RAPGEF4: variants seen among roughly 807,000 people sequenced by gnomAD.
RAPGEF4 encodes Rap guanine nucleotide exchange factor 4, also known as RAP guanine-nucleotide-exchange factor (GEF) 4.
A neutral mutation model predicts 147.9 loss-of-function variants in RAPGEF4; 66 were observed. The observed-to-expected ratio is 0.45, with a 90% CI of 0.37 to 0.55. The LOEUF is 0.55. RAPGEF4 is among the 20% of genes least tolerant of loss of function. The probability of loss-of-function intolerance (pLI) is 0.00; values close to 1 mark genes in which losing one functional copy is unlikely to be tolerated. For missense variants in RAPGEF4, 1,071 were observed against 1,257.3 expected (o/e 0.85, Z 2.24); for synonymous variants, 419 against 442.7 (o/e 0.95, Z 0.67).
chr2:173,035,790 A>T (rs1052792843), intron 27 of RAPGEF4, among the ~76,000 whole-genome samples: 2 of 152,252 alleles, frequency 1.3e-5, no homozygotes, highest in Admixed American at 1.3e-4. Context: ...TCTTACAATA[A>T]TGTAAGTTAG....
chr2:172,917,669 C>T (rs931267166), intron 4 of RAPGEF4, 133 bp from the exon 5 acceptor site: 3 of 758,974 alleles, frequency 4.0e-6, no homozygotes, highest in African/African-American at 3.5e-5. Flanking sequence ...CCGGAGAACA[C>T]GTTTCATGGC....
intron 1 of RAPGEF4, among the ~76,000 whole-genome samples, chr2:172,767,241 C>T (rs903400260): frequency 1.3e-5 from 2 of 150,666 alleles, no homozygotes; most frequent in South Asian, 2.1e-4. Flanking sequence ...TGCAATGGCA[C>T]GATCTTGGCT....
At chr2:172,927,668 T>G (rs1685510083) in intron 6 of RAPGEF4, among the ~76,000 whole-genome samples, 2 of 151,974 alleles carry the variant, frequency 1.3e-5, no homozygotes, top group Admixed American at 1.3e-4. Context: ...CAATCAGAGA[T>G]AATTCCATAA....
intron 10 of RAPGEF4, among the ~76,000 whole-genome samples, chr2:172,980,725 A>G (rs1203847284): frequency 1.3e-5 from 2 of 152,258 alleles, no homozygotes; most frequent in South Asian, 2.1e-4. Flanking sequence ...TTTTTAGTAT[A>G]TGGTATTTAG....
intron 10 of RAPGEF4, among the ~76,000 whole-genome samples, chr2:172,976,330 A>G (rs1691063446): frequency 6.6e-6 from 1 of 152,188 alleles, no homozygotes; most frequent in South Asian, 2.1e-4. Context: ...GAGGTGAGGC[A>G]AAGAAAAAAC....
chr2:172,826,759 G>C (rs758655896), intron 4 of RAPGEF4, among the ~76,000 whole-genome samples: 2 of 152,112 alleles, frequency 1.3e-5, no homozygotes, highest in Non-Finnish European at 2.9e-5. Context: ...TTGAGCCTAG[G>C]AGTTTGAGAT....
At chr2:172,934,631 G>A (rs1686353446) in intron 6 of RAPGEF4, among the ~76,000 whole-genome samples, 1 of 151,936 alleles carries the variant, frequency 6.6e-6, no homozygotes, top group Admixed American at 6.6e-5. Context: ...GGTACTGAGA[G>A]AGATTGGAGT....
At chr2:173,019,451 G>A (rs1695833390) in intron 22 of RAPGEF4, among the ~76,000 whole-genome samples, 1 of 152,266 alleles carries the variant, frequency 6.6e-6, no homozygotes, top group Non-Finnish European at 1.5e-5. Context: ...GGAGGTAGAC[G>A]GTAAGTTAAA....
In RAPGEF4 at chr2:172,795,087, C is replaced by T; in HGVS notation, c.128C>T (p.Ala43Val). Residue 43 changes from alanine (A) to valine (V), a missense_variant, in exon 2 of 31, where the codon GCT (alanine) becomes GTT (valine). Physicochemically the swap from Ala to Val is moderately conservative, Grantham distance 64. Coordinates refer to ENST00000397081, the MANE Select transcript of RAPGEF4 (RefSeq NM_007023.4). The part of the protein sequence containing the change: ...IIFTRLKEVK[A>V]FEKFHPNLLH... ...TTCACTCGACTGAAAGAAGTTAAAG[C>T]TTTTGAGAAATTTCACCCAAATCTC... The T allele has an allele frequency of 1.2e-6, 2 of 1,613,700 alleles. No homozygotes were observed. The highest frequency in any genetic ancestry group is 1.7e-6 in the Non-Finnish European group (2 of 1,179,640).
intron 4 of RAPGEF4, among the ~76,000 whole-genome samples, chr2:172,822,762 C>G (rs1689208836): frequency 6.6e-6 from 1 of 152,206 alleles, no homozygotes; most frequent in Admixed American, 6.5e-5. Flanking sequence ...CTAGCCAGGA[C>G]TCTGTTGACA....
At chr2:173,032,913 C>G (rs971442521) in intron 26 of RAPGEF4, among the ~76,000 whole-genome samples, 7 of 152,170 alleles carry the variant, frequency 4.6e-5, no homozygotes, top group Non-Finnish European at 8.8e-5. Flanking sequence ...GTCTCTGAGA[C>G]CCAGGGGTTG....
Position 172,890,509 on chromosome 2 carries a change from C to G in RAPGEF4, c.445-27293C>G, listed in dbSNP as rs935577901. Among the ~76,000 whole-genome samples the G allele has an allele frequency of 2.0e-5, 3 of 152,124 alleles. No homozygotes were observed. The South Asian group carries it at 6.2e-4, about 32-fold the overall frequency. ...TCTCCACTTCTGCAAATAAATAAAC[C>G]AGTGAAGGGGGCTTAGAATCTCATC... On this transcript the variant is annotated intron_variant, in intron 4 of 30. Transcript: ENST00000397081.
chr2:172,739,251 T>C (rs1694088199), intron 1 of RAPGEF4, among the ~76,000 whole-genome samples: 1 of 152,144 alleles, frequency 6.6e-6, no homozygotes, highest in South Asian at 2.1e-4. Context: ...TTACCATTTT[T>C]TTCTGAGGGG....
In RAPGEF4 at chr2:172,814,410, C is replaced by G. The variant is rs1688303312; in HGVS notation, c.429C>G (p.Phe143Leu). Residue 143 changes from phenylalanine (F) to leucine (L), a missense_variant, in exon 4 of 31, where the codon TTC becomes TTG. Physicochemically the swap from Phe to Leu is conservative, Grantham distance 22 (BLOSUM62 0). Transcript: ENST00000397081. The part of the protein sequence containing the change: ...SELLRIEQKD[F>L]KALWEKYRQY... ...TGCTCCGCATCGAGCAGAAGGACTT[C>G]AAGGCACTATGGGAGGTGAGCCCTA... 2 of 1,614,126 alleles carry G rather than the reference C, an allele frequency of 1.2e-6. No individual in the cohort carries two copies. Among genetic ancestry groups the G allele is most frequent in the Non-Finnish European group, 1.7e-6 (2 of 1,180,010 alleles).
intron 30 of RAPGEF4, 87 bp from the exon 31 acceptor site, chr2:173,051,552 TA>T: frequency 7.1e-7 from 1 of 1,405,902 alleles, no homozygotes; most frequent in Non-Finnish European, 9.6e-7. Context: ...GAACCTATGA[TA>T]AATGTAATAA....
chr2:172,804,029 A>G (rs574640525), intron 3 of RAPGEF4, among the ~76,000 whole-genome samples: 45 of 152,240 alleles, frequency 3.0e-4, no homozygotes, highest in African/African-American at 9.9e-4. Flanking sequence ...CTCCCATGAC[A>G]TGTGGGAATT....
chr2:172,758,312 T>C (rs1432468127), intron 1 of RAPGEF4, among the ~76,000 whole-genome samples: 1 of 152,034 alleles, frequency 6.6e-6, no homozygotes, highest in African/African-American at 2.4e-5. Context: ...AGACAGAGAA[T>C]GAGGGCAGAT....
chr2:172,897,388 T>C (rs1172264327), intron 4 of RAPGEF4, among the ~76,000 whole-genome samples: 2 of 151,392 alleles, frequency 1.3e-5, no homozygotes, highest in Non-Finnish European at 2.9e-5. Context: ...GTTTTTGGGG[T>C]TTTTTAAAAA....
intron 1 of RAPGEF4, among the ~76,000 whole-genome samples, chr2:172,747,496 T>A (rs1694885705): frequency 6.6e-6 from 1 of 152,230 alleles, no homozygotes; most frequent in Admixed American, 6.5e-5. Context: ...AGATAGGATC[T>A]CACTCTGTCA....
Sources: gnomAD v4.1 joint callset for allele counts (sites outside exome capture counted in the v4.1 genomes callset) on GRCh38, gnomAD v4.1.1 for gene constraint, MANE v1.5 for transcripts, NCBI Gene and HGNC (gene_info 2026-07-23, HGNC 2026-07-21) for gene names.